The following PHLPP2 variants were observed in gnomAD, a reference collection of about 807,000 sequenced individuals.
PHLPP2 encodes PH domain and leucine rich repeat protein phosphatase 2, also known as PH domain leucine-rich repeat-containing protein phosphatase 2.
A neutral mutation model predicts 124.9 loss-of-function variants in PHLPP2; 66 were observed. The ratio of observed to expected loss-of-function variants is 0.53; its 90% CI spans 0.43 to 0.65. The LOEUF (loss-of-function observed/expected upper bound fraction) is 0.65, where lower values mean the gene tolerates loss of function less well. PHLPP2 is among the 30% of genes least tolerant of loss of function. The pLI is 0.00. For missense variants in PHLPP2, 1,685 were observed against 1,600.4 expected, an observed-to-expected ratio of 1.05 and a Z score of -0.90; for synonymous variants, 681 against 624.7, an observed-to-expected ratio of 1.09 and a Z score of -1.34.
At chr16:71,715,182 T>C (rs1037207730) in intron 1 of PHLPP2, 5 of 192,642 alleles carry the variant, frequency 2.6e-5, no homozygotes, top group Middle Eastern at 2.3e-3. Context: ...CAACATCCCA[T>C]CTCTACAAAA....
Position 71,655,409 on chromosome 16 carries a change from C to T in PHLPP2, c.2416G>A (p.Asp806Asn), listed in dbSNP as rs1438843775. 3 of 1,613,862 alleles carry T rather than the reference C, an allele frequency of 1.9e-6. No homozygotes were observed. Among genetic ancestry groups the T allele is most frequent in the African/African-American group, 2.7e-5 (2 of 74,888 alleles). ...NKLCVSALAM[D>N]SFAEGVGAVY... ...GCTCCCACCCCCTCTGCAAAGCTATCCATAGCAAGTGCTGAGACACACAGC... is the reference window on the plus strand; with the variant it reads ...GCTCCCACCCCCTCTGCAAAGCTATTCATAGCAAGTGCTGAGACACACAGC... Residue 806 changes from aspartate (D) to asparagine (N), a missense_variant, in exon 17 of 19, where the codon GAT becomes AAT. Physicochemically the swap from Asp to Asn is conservative, Grantham distance 23. Transcript: ENST00000568954.
chr16:71,686,392 T>G (rs532961242), intron 4 of PHLPP2, among the ~76,000 whole-genome samples: 16 of 152,278 alleles, frequency 1.1e-4, no homozygotes, highest in South Asian at 2.1e-4. Context: ...CAGGCTGGTC[T>G]TGAACTCCTA....
At chr16:71,703,628 G>A (rs527495154) in intron 2 of PHLPP2, among the ~76,000 whole-genome samples, 15 of 151,954 alleles carry the variant, frequency 9.9e-5, no homozygotes, top group South Asian at 2.1e-4. Context: ...GTGGCTAAAC[G>A]TATAGGCTCC....
rs1255159945 is a variant in PHLPP2, at chr16:71,645,272, G to A, written c.*3618C>T. On this transcript the variant is annotated 3_prime_UTR_variant, in exon 19 of 19. Transcript: ENST00000568954. ...TGAGGCAAACAGAGCAGGATTGACTGTAGCTGCTTTTTCTCAATCTAGGAA... is the reference window on the plus strand; with the variant it reads ...TGAGGCAAACAGAGCAGGATTGACTATAGCTGCTTTTTCTCAATCTAGGAA... The A allele has an allele frequency of 3.3e-5, 5 of 153,806 alleles. No individual in the cohort carries two copies. The highest frequency in any genetic ancestry group is 1.2e-4 in the African/African-American group (5 of 41,442). The allele number at this position is 153,806 out of a possible 1,614,324, so 9.5% of individuals were successfully genotyped here.
chr16:71,673,586 C>T (rs1449511572), intron 9 of PHLPP2, among the ~76,000 whole-genome samples: 2 of 152,132 alleles, frequency 1.3e-5, no homozygotes, highest in Non-Finnish European at 2.9e-5. Context: ...CTCAAACAAG[C>T]CCTGTTCAGT....
intron 3 of PHLPP2, among the ~76,000 whole-genome samples, chr16:71,699,558 C>A (rs1484922761): frequency 2.0e-5 from 3 of 152,188 alleles, no homozygotes; most frequent in Non-Finnish European, 4.4e-5. Context: ...CAATAAAATT[C>A]TCCGCATTCA....
chr16:71,658,517 AGAAGAC>A, intron 14 of PHLPP2, 130 bp downstream of exon 14: 1 of 1,192,676 alleles, frequency 8.4e-7, no homozygotes, highest in South Asian at 1.5e-5. Context: ...GGAGCACATA[AGAAGAC>A]AATAATATTT....
intron 15 of PHLPP2, among the ~76,000 whole-genome samples, 163 bp from the exon 16 acceptor site, chr16:71,656,844 G>C (rs565165209): frequency 6.6e-6 from 1 of 151,646 alleles, no homozygotes; most frequent in African/African-American, 2.4e-5. Context: ...GCTGCCTCCC[G>C]GTTCAAGCAA....
chr16:71,724,008 C>G (rs1468974977), intron 1 of PHLPP2: 1 of 202,868 alleles, frequency 4.9e-6, no homozygotes, highest in Non-Finnish European at 8.8e-6. Flanking sequence ...CCGCCCCTCC[C>G]GCAGCCCCGC....
chr16:71,693,302 G>A (rs1046734774), intron 3 of PHLPP2, among the ~76,000 whole-genome samples: 6 of 151,854 alleles, frequency 4.0e-5, no homozygotes, highest in Non-Finnish European at 7.4e-5. Flanking sequence ...AGAAAAAAAA[G>A]ATCAACATGC....
At chr16:71,688,919 C>A (rs2045079930) in intron 4 of PHLPP2, among the ~76,000 whole-genome samples, 1 of 152,178 alleles carries the variant, frequency 6.6e-6, no homozygotes. Context: ...ACTGGATTCT[C>A]CCACCTCTTT....
intron 4 of PHLPP2, among the ~76,000 whole-genome samples, chr16:71,685,616 AT>A (rs2045047924): frequency 1.3e-5 from 2 of 152,276 alleles, no homozygotes; most frequent in South Asian, 4.1e-4. Flanking sequence ...CAACATAACC[AT>A]TTTTCATTAG....
chr16:71,679,280 G>C, intron 7 of PHLPP2, 109 bp downstream of exon 7: 1 of 965,170 alleles, frequency 1.0e-6, no homozygotes. Flanking sequence ...ATCCTAAGTA[G>C]TACATGATAT....
intron 17 of PHLPP2, among the ~76,000 whole-genome samples, chr16:71,654,462 T>C (rs987283934): frequency 6.6e-6 from 1 of 152,190 alleles, no homozygotes; most frequent in Non-Finnish European, 1.5e-5. Context: ...ATTTTGATCT[T>C]TTCCTGGGCT....
chr16:71,690,787 T>C, intron 3 of PHLPP2, 78 bp from the exon 4 acceptor site: 2 of 992,424 alleles, frequency 2.0e-6, no homozygotes, highest in Admixed American at 5.0e-5. Flanking sequence ...AAGCATTGTG[T>C]GTCAACATTC....
Position 71,684,688 on chromosome 16 carries a change from G to C in PHLPP2, c.610-87C>G, listed in dbSNP as rs1421642913. Reference sequence around the variant, plus strand: ...AAAGGCAATCACAAGACGAACAACTGAATTTTTAAAAATAGTTATTTTTTA... The same window carrying C: ...AAAGGCAATCACAAGACGAACAACTCAATTTTTAAAAATAGTTATTTTTTA... On this transcript the variant is annotated intron_variant, in intron 4 of 18. Coordinates refer to ENST00000568954, the MANE Select transcript of PHLPP2 (RefSeq NM_015020.3). The C allele has an allele frequency of 1.5e-5, 19 of 1,277,054 alleles. No homozygotes were observed. In the Admixed American group the frequency reaches 3.4e-4, roughly 23 times the overall value. The allele number at this position is 1,277,054 out of a possible 1,614,324, so 79.1% of individuals were successfully genotyped here.
Position 71,645,530 on chromosome 16 carries a change from GGATA to G in PHLPP2, c.*3356_*3359del, listed in dbSNP as rs1373334885. On this transcript the variant is annotated 3_prime_UTR_variant, in exon 19 of 19. Coordinates refer to ENST00000568954, the MANE Select transcript of PHLPP2 (RefSeq NM_015020.3). ...GGAGGTCTCTTCATTAATAATTATT[GGATA>G]GATAGAGAAGGTGAGCCTGTGGCTT... 12 of 152,546 alleles carry G rather than the reference GGATA, an allele frequency of 7.9e-5. No homozygotes were observed. The highest frequency in any genetic ancestry group is 2.7e-4 in the African/African-American group (11 of 41,428). The allele number at this position is 152,546 out of a possible 1,614,324, so 9.4% of individuals were successfully genotyped here. A position where few individuals can be genotyped will look rare whatever the true frequency, so the allele number is the denominator to read the frequency against.
In PHLPP2 at chr16:71,655,286, T is replaced by C. The variant is rs114035268; in HGVS notation, c.2539A>G (p.Thr847Ala). Reference protein sequence around the residue: ...DVLLEEVQQSTNDTVFMANTF... With the variant: ...DVLLEEVQQSANDTVFMANTF... Reference sequence around the variant, plus strand: ...TTAGCCATGAAAACTGTGTCATTAGTTGACTGCTGTACCTCTTCTAAAAGC... The same window carrying C: ...TTAGCCATGAAAACTGTGTCATTAGCTGACTGCTGTACCTCTTCTAAAAGC... The change falls in exon 17 of 19, where the codon ACT becomes GCT. Residue 847 changes from threonine (T) to alanine (A), a missense_variant. By Grantham distance (58) the Thr-to-Ala change is moderately conservative (BLOSUM62 0). Coordinates refer to ENST00000568954, the MANE Select transcript of PHLPP2 (RefSeq NM_015020.3). The C allele has an allele frequency of 1.2e-6, 2 of 1,614,078 alleles. No homozygotes were observed. Among genetic ancestry groups the C allele is most frequent in the African/African-American group, 1.3e-5 (1 of 75,060 alleles).
At chr16:71,688,765 T>G (rs919847252) in intron 4 of PHLPP2, among the ~76,000 whole-genome samples, 1 of 152,162 alleles carries the variant, frequency 6.6e-6, no homozygotes, top group African/African-American at 2.4e-5. Flanking sequence ...GCAACTCTAC[T>G]TACTTTCTTC....
Sources: allele counts gnomAD v4.1 joint callset (sites outside exome capture counted in the v4.1 genomes callset), GRCh38; gene constraint gnomAD v4.1.1; transcripts MANE v1.5; gene names NCBI Gene and HGNC (gene_info 2026-07-23, HGNC 2026-07-21).